The following KATNBL1 variants were observed in gnomAD, a reference collection of about 807,000 sequenced individuals.
The protein encoded by KATNBL1 is KATNB1-like protein 1.
A neutral mutation model predicts 44.7 loss-of-function variants in KATNBL1; 28 were observed. That is an observed-to-expected ratio of 0.63 (90% CI 0.46 to 0.86). The LOEUF (loss-of-function observed/expected upper bound fraction) is 0.86. KATNBL1 is among the 40% of genes least tolerant of loss of function. KATNBL1 has a pLI of 0.00. For missense variants in KATNBL1, 272 were observed against 350.7 expected (o/e 0.78, Z 1.79); for synonymous variants, 78 against 114.9 (o/e 0.68, Z 2.06).
chr15:34,177,201 T>C (rs1263869092), intron 1 of KATNBL1, among the ~76,000 whole-genome samples: 1 of 152,182 alleles, frequency 6.6e-6, no homozygotes, highest in Admixed American at 6.5e-5. Context: ...CTAATACCCT[T>C]AGTGTATTGT....
At chr15:34,193,245 A>AG (rs1889938913) in intron 1 of KATNBL1, among the ~76,000 whole-genome samples, 1 of 143,566 alleles carries the variant, frequency 7.0e-6, no homozygotes. Context: ...ACAAAAAAAA[A>AG]ACTTAAGGCC....
rs117117677 is a variant in KATNBL1, at chr15:34,149,524, A to G, written c.439-774T>C. Among the ~76,000 whole-genome samples the G allele has an allele frequency of 7.7e-4, 117 of 152,190 alleles. No individual in the cohort carries two copies. In the East Asian group the frequency reaches 0.021, roughly 27 times the overall value. Reference sequence around the variant, plus strand: ...CTGCAACCTCCGCCTCCCAAGCTCAAGTAATTCTCCTGCCTCACCCTCCCC... The same window carrying G: ...CTGCAACCTCCGCCTCCCAAGCTCAGGTAATTCTCCTGCCTCACCCTCCCC... On this transcript the variant is annotated intron_variant, in intron 4 of 9. Coordinates refer to ENST00000256544, the MANE Select transcript of KATNBL1 (RefSeq NM_024713.3).
intron 1 of KATNBL1, among the ~76,000 whole-genome samples, chr15:34,172,977 A>C (rs1756146870): frequency 6.6e-6 from 1 of 152,202 alleles, no homozygotes; most frequent in South Asian, 2.1e-4. Flanking sequence ...AAAGAATTGC[A>C]TCTATAAAAC....
chr15:34,209,419 GAAC>G (rs1268021036), intron 1 of KATNBL1: 1 of 152,172 alleles, frequency 6.6e-6, no homozygotes, highest in Non-Finnish European at 1.5e-5. Flanking sequence ...ATACTTTACA[GAAC>G]AACTTTTCAG....
intron 2 of KATNBL1, among the ~76,000 whole-genome samples, chr15:34,159,293 GCTA>G (rs1888729389): frequency 6.6e-6 from 1 of 152,148 alleles, no homozygotes; most frequent in Admixed American, 6.5e-5. Flanking sequence ...TACTCCTAAG[GCTA>G]CTGTTTTGTT....
chr15:34,202,480 T>C (rs1313161133), intron 1 of KATNBL1, among the ~76,000 whole-genome samples: 1 of 152,040 alleles, frequency 6.6e-6, no homozygotes, highest in Non-Finnish European at 1.5e-5. Flanking sequence ...GTTCCAAAAC[T>C]TGTGAGGATT....
At chr15:34,171,422 A>G (rs1313279652) in intron 1 of KATNBL1, among the ~76,000 whole-genome samples, 1 of 152,230 alleles carries the variant, frequency 6.6e-6, no homozygotes, top group Non-Finnish European at 1.5e-5. Flanking sequence ...TGATCATTAA[A>G]AAGTCAGGCA....
At chr15:34,207,342 G>C (rs551793295) in intron 1 of KATNBL1, among the ~76,000 whole-genome samples, 3 of 152,044 alleles carry the variant, frequency 2.0e-5, no homozygotes, top group African/African-American at 7.2e-5. Context: ...CCAAGTAGCT[G>C]GAACTACAGG....
chr15:34,189,507 G>C (rs1187322832), intron 1 of KATNBL1, among the ~76,000 whole-genome samples: 1 of 152,196 alleles, frequency 6.6e-6, no homozygotes, highest in Non-Finnish European at 1.5e-5. Flanking sequence ...CTTAGAACTT[G>C]CAATTTTGCT....
rs909497554 is a variant in KATNBL1 at position 34,172,722 on chromosome 15, AACACACAG to A, written c.-14-9040_-14-9033del. On this transcript the variant is annotated intron_variant, in intron 1 of 9. Coordinates refer to ENST00000256544, the MANE Select transcript of KATNBL1 (RefSeq NM_024713.3). ...TCTTAGGAATTCTGACTAATCTTGT[AACACACAG>A]ACACACAGACACATAGACACACAGA... Among the ~76,000 whole-genome samples, 12 of 150,094 alleles carry A rather than the reference AACACACAG, an allele frequency of 8.0e-5. No homozygotes were observed. The South Asian group carries it at 8.5e-4, about 11-fold the overall frequency.
rs537217794 is a variant in KATNBL1 at position 34,145,726 on chromosome 15, G to A, written c.789-235C>T. On this transcript the variant is annotated intron_variant, in intron 8 of 9. Coordinates refer to ENST00000256544, the MANE Select transcript of KATNBL1 (RefSeq NM_024713.3). The stretch of plus-strand genomic sequence containing the variant: ...ATTAAAGGTTTATCCACATAATACC[G>A]CCAAATGCCTCCTATTTAATTAATT... 2.4e-5 allele frequency: 5 copies of A among 207,780 alleles called. No homozygotes were observed. In the South Asian group the frequency reaches 9.1e-4, roughly 38 times the overall value. The allele number at this position is 207,780 out of a possible 1,614,324, so 12.9% of individuals were successfully genotyped here.
At chr15:34,154,578 C>T in intron 3 of KATNBL1, 66 bp downstream of exon 3, 1 of 984,640 alleles carries the variant, frequency 1.0e-6, no homozygotes, top group Non-Finnish European at 1.6e-6. Context: ...CTTATTTTTC[C>T]CTTATTGTCA....
At chr15:34,142,799 C>A (rs1464600174) in intron 9 of KATNBL1, 1 of 293,150 alleles carries the variant, frequency 3.4e-6, no homozygotes, top group African/African-American at 2.3e-5. Flanking sequence ...GCAACCTCCA[C>A]CTCCAGGGTT....
chr15:34,172,493 G>A (rs1889194258), intron 1 of KATNBL1, among the ~76,000 whole-genome samples: 1 of 152,064 alleles, frequency 6.6e-6, no homozygotes. Flanking sequence ...CTGACTTCAA[G>A]TGATCCACCC....
chr15:34,191,823 TGTAGTCC>T, intron 1 of KATNBL1, among the ~76,000 whole-genome samples: 1 of 151,914 alleles, frequency 6.6e-6, no homozygotes, highest in East Asian at 1.9e-4. Flanking sequence ...GGCGGGCGCC[TGTAGTCC>T]CAGCTACTTG....
At chr15:34,187,202 C>G (rs1448521775) in intron 1 of KATNBL1, among the ~76,000 whole-genome samples, 2 of 152,210 alleles carry the variant, frequency 1.3e-5, no homozygotes, top group Non-Finnish European at 2.9e-5. Context: ...GCTGCCCTAT[C>G]TGCTGAGCGC....
At chr15:34,206,647 C>T (rs542660185) in intron 1 of KATNBL1, among the ~76,000 whole-genome samples, 3 of 152,086 alleles carry the variant, frequency 2.0e-5, no homozygotes, top group South Asian at 2.1e-4. Flanking sequence ...AAAAATTACC[C>T]GGGCGTGGTG....
chr15:34,167,117 G>T (rs1889001846), intron 1 of KATNBL1, among the ~76,000 whole-genome samples: 1 of 152,198 alleles, frequency 6.6e-6, no homozygotes, highest in Non-Finnish European at 1.5e-5. Flanking sequence ...GACAGAATTA[G>T]GCTTCAGAAG....
rs185277630 is a variant in KATNBL1 at position 34,170,223 on chromosome 15, T to C, written c.-14-6533A>G. On this transcript the variant is annotated intron_variant, in intron 1 of 9. Transcript: ENST00000256544. ...TCAGCCCAAAATCTCCTTAAGCTGA[T>C]AGGCAACTTCAGCAAAGTCTCAGGA... Among the ~76,000 whole-genome samples, 435 of 152,332 alleles carry C rather than the reference T, an allele frequency of 2.9e-3. 3 individuals carry two copies. The highest frequency in any genetic ancestry group is 0.01 in the African/African-American group (417 of 41,576).
Sources: allele counts gnomAD v4.1 joint callset (sites outside exome capture counted in the v4.1 genomes callset), GRCh38; gene constraint gnomAD v4.1.1; transcripts MANE v1.5; gene names NCBI Gene and HGNC (gene_info 2026-07-23, HGNC 2026-07-21).